The following CDK15 variants were observed in gnomAD, a reference collection of about 807,000 sequenced individuals.
The protein encoded by CDK15 is cyclin dependent kinase 15.
Under a neutral mutation model 60.3 loss-of-function variants are expected in CDK15, and 62 were observed. That is an observed-to-expected ratio of 1.03 (90% CI 0.84 to 1.27). The LOEUF (loss-of-function observed/expected upper bound fraction) is 1.27. Ranked by LOEUF, CDK15 falls within the 50% of genes most tolerant of loss-of-function variation. The pLI is 0.00. For missense variants in CDK15, 541 were observed against 527.8 expected, an observed-to-expected ratio of 1.03 and a Z score of -0.25; for synonymous variants, 194 against 195.7, an observed-to-expected ratio of 0.99 and a Z score of 0.07.
intron 6 of CDK15, among the ~76,000 whole-genome samples, chr2:201,831,792 C>CCTGTCATGTTTTCATTTTCTGT: frequency 6.6e-6 from 1 of 152,224 alleles, no homozygotes; most frequent in South Asian, 2.1e-4. Flanking sequence ...TCTCTCCTTC[C>CCTGTCATGTTTTCATTTTCTGT]CTGTCATGTT....
chr2:201,876,395 G>C (rs138418630), intron 11 of CDK15: 1 of 374,428 alleles, frequency 2.7e-6, no homozygotes, highest in South Asian at 2.0e-5. Context: ...GCAAGGCGGC[G>C]ATTACTGGGG....
chr2:201,861,551 GTTTTTTTTTTTTTCTT>G, intron 10 of CDK15: 2 of 678,482 alleles, frequency 2.9e-6, no homozygotes, highest in Non-Finnish European at 3.5e-6. Context: ...TTGTTGGTTT[GTTTTTTTTTTTTTCTT>G]TTTTTTTTTT....
intron 6 of CDK15, among the ~76,000 whole-genome samples, chr2:201,829,212 C>T (rs1007992194): frequency 7.9e-5 from 12 of 152,074 alleles, no homozygotes; most frequent in Admixed American, 3.3e-4. Context: ...TTATATTCCC[C>T]TGACCCTACT....
chr2:201,866,415 C>T (rs535256206), intron 10 of CDK15, among the ~76,000 whole-genome samples: 56 of 152,180 alleles, frequency 3.7e-4, no homozygotes, highest in South Asian at 1.2e-3. Context: ...GAAAAATGGA[C>T]GGTTTTTACT....
chr2:201,848,101 T>C (rs1697750095), intron 9 of CDK15, among the ~76,000 whole-genome samples: 1 of 152,100 alleles, frequency 6.6e-6, no homozygotes, highest in African/African-American at 2.4e-5. Flanking sequence ...CACTCCAGGC[T>C]GGGGAACAAA....
chr2:201,836,295 C>A (rs908263888), intron 8 of CDK15, among the ~76,000 whole-genome samples: 1 of 146,236 alleles, frequency 6.8e-6, no homozygotes. Context: ...CCTCCACCTC[C>A]CAGATTCAAG....
At position 201,810,344 on chromosome 2, in the gene CDK15, C is replaced by T. The variant is rs1376827341; in HGVS notation, c.369-2139C>T. 4.6e-5 allele frequency among the ~76,000 whole-genome samples: 7 copies of T among 150,746 alleles called. No homozygotes were observed. The South Asian group carries it at 8.4e-4, about 18-fold the overall frequency. On this transcript the variant is annotated intron_variant, in intron 3 of 13. Coordinates refer to ENST00000652192, the MANE Select transcript of CDK15 (RefSeq NM_001366386.2). ...GGTTAAAGAAATATAAATTAAAATG[C>T]GATAAACCTTTTTACTTTTCAAATA...
chr2:201,875,269 G>C (rs1699033623), intron 11 of CDK15, among the ~76,000 whole-genome samples: 1 of 152,146 alleles, frequency 6.6e-6, no homozygotes, highest in Non-Finnish European at 1.5e-5. Context: ...TGGCAATTCA[G>C]GTGGGTTGGA....
chr2:201,807,996 C>T (rs373249831), intron 3 of CDK15, 44 bp downstream of exon 3: 78 of 1,511,716 alleles, frequency 5.2e-5, no homozygotes, highest in Non-Finnish European at 5.7e-5. Context: ...ATGAGAGTCC[C>T]GCCCCCCCAA....
rs1698080015 is a variant in CDK15 at position 201,854,904 on chromosome 2, C to T, written c.976C>T (p.Pro326Ser). Residue 326 changes from proline to serine, a missense_variant, in exon 10 of 14, where the codon CCG (proline) becomes TCG (serine). Coordinates refer to ENST00000652192, the MANE Select transcript of CDK15 (RefSeq NM_001366386.2). ...VLGVPTEDTW[P>S]GVSKLPNYNP... ...GGGAGTCCCTACAGAGGATACTTGG[C>T]CGGGAGTCTCCAAGCTACCTAACTA... 2 of 1,613,928 alleles carry T rather than the reference C, an allele frequency of 1.2e-6. No homozygotes were observed. Among genetic ancestry groups the T allele is most frequent in the Non-Finnish European group, 1.7e-6 (2 of 1,179,956 alleles).
chr2:201,840,453 T>C lies in CDK15; in HGVS notation c.851+4690T>C, dbSNP rs376315697. 1.8e-4 allele frequency among the ~76,000 whole-genome samples: 28 copies of C among 152,388 alleles called. No individual in the cohort carries two copies. The East Asian group carries it at 5.0e-3, about 27-fold the overall frequency. On this transcript the variant is annotated intron_variant, in intron 8 of 13. Transcript: ENST00000652192. ...TGCTTTATATGCTTTGAAGCTATTT[T>C]CACTAAGGGCAAATAAATTTAAGAC...
intron 8 of CDK15, among the ~76,000 whole-genome samples, chr2:201,838,637 C>T (rs1174824579): frequency 6.6e-6 from 1 of 152,008 alleles, no homozygotes; most frequent in Non-Finnish European, 1.5e-5. Context: ...AAACTCCTGG[C>T]TTCAAGAGAT....
intron 11 of CDK15, among the ~76,000 whole-genome samples, chr2:201,875,948 A>G (rs1699061165): frequency 6.6e-6 from 1 of 152,172 alleles, no homozygotes; most frequent in South Asian, 2.1e-4. Context: ...AGAAGGACTG[A>G]TTTATCACAG....
At chr2:201,888,509 G>A in intron 12 of CDK15, 1 of 1,531,860 alleles carries the variant, frequency 6.5e-7, no homozygotes, top group African/African-American at 1.4e-5. Flanking sequence ...AGCTAATGAG[G>A]AGTCACCAGA....
chr2:201,872,015 T>A (rs762265087), intron 10 of CDK15, among the ~76,000 whole-genome samples: 6 of 152,244 alleles, frequency 3.9e-5, no homozygotes, highest in Non-Finnish European at 7.4e-5. Flanking sequence ...TATTTCCATA[T>A]AAGATCATAT....
In CDK15 at chr2:201,822,859, A is replaced by G. The variant is rs1290189748; in HGVS notation, c.499A>G (p.Ile167Val). 1.2e-6 allele frequency: 2 copies of G among 1,613,464 alleles called. No homozygotes were observed. The highest frequency in any genetic ancestry group is 1.1e-5 in the South Asian group (1 of 91,052). The part of the protein sequence containing the change: ...KHANIVLLHD[I>V]IHTKETLTFV... ...TGCCAATATTGTGCTCCTGCATGAC[A>G]TAATCCACACCAAAGAGACACTGAC... The change falls in exon 5 of 14, where the codon ATA becomes GTA. Residue 167 changes from isoleucine (I) to valine (V), a missense_variant. Coordinates refer to ENST00000652192, the MANE Select transcript of CDK15 (RefSeq NM_001366386.2).
chr2:201,818,797 C>G (rs1214540662), intron 4 of CDK15, among the ~76,000 whole-genome samples: 2 of 151,980 alleles, frequency 1.3e-5, no homozygotes, highest in Non-Finnish European at 2.9e-5. Context: ...ATGAGGGAGA[C>G]AACTAAAAGA....
intron 11 of CDK15, among the ~76,000 whole-genome samples, chr2:201,879,004 A>T (rs868628650): frequency 2.6e-5 from 4 of 152,202 alleles, no homozygotes; most frequent in African/African-American, 9.7e-5. Flanking sequence ...AATTTGATGA[A>T]CATCTGACTC....
chr2:201,894,622 C>G lies in CDK15; in HGVS notation c.*1355C>G, dbSNP rs566356836. The G allele has an allele frequency of 6.6e-6, 1 of 152,234 alleles. No individual in the cohort carries two copies. The highest frequency in any genetic ancestry group is 2.4e-5 in the African/African-American group (1 of 41,534). 9.4% of individuals were successfully genotyped at this position (152,234 alleles called of 1,614,324 possible). On this transcript the variant is annotated 3_prime_UTR_variant, in exon 14 of 14. Transcript: ENST00000652192. ...AGTACATGGACAACTTTATACAACT[C>G]CTTGAAGTAAGTACTATTATTATTA...
Sources: gnomAD v4.1 joint callset for allele counts (sites outside exome capture counted in the v4.1 genomes callset) on GRCh38, gnomAD v4.1.1 for gene constraint, MANE v1.5 for transcripts, NCBI Gene and HGNC (gene_info 2026-07-23, HGNC 2026-07-21) for gene names.